Variants in PPARG observed in about 807,000 individuals in gnomAD.
PPARG encodes the protein peroxisome proliferator-activated receptor gamma.
In PPARG, 17 loss-of-function variants were observed where a neutral mutation model predicts 39.2. The observed-to-expected ratio is 0.43, with a 90% confidence interval of 0.30 to 0.65. The LOEUF is 0.65. Among genes scored for constraint, PPARG ranks in the 30% least tolerant of loss-of-function variants. The pLI, the probability that PPARG is intolerant of heterozygous loss-of-function variation, is 0.13. For synonymous variants in PPARG, 223 were observed against 215.7 expected (o/e 1.03, Z -0.30); for missense variants, 406 against 585.9 (o/e 0.69, Z 3.17).
chr3:12,329,447 A>C (rs1471699417), intron 2 of PPARG, among the ~76,000 whole-genome samples: 3 of 152,246 alleles, frequency 2.0e-5, no homozygotes, highest in Non-Finnish European at 1.5e-5. Flanking sequence ...AATTCTAAAA[A>C]AGCAGGTAGA....
chr3:12,403,550 CT>C (rs2050554381), intron 5 of PPARG, among the ~76,000 whole-genome samples: 1 of 152,036 alleles, frequency 6.6e-6, no homozygotes, highest in Non-Finnish European at 1.5e-5. Context: ...CAGACAGGGT[CT>C]CTCTATGTTG....
At chr3:12,342,001 A>G (rs1332932669) in intron 2 of PPARG, among the ~76,000 whole-genome samples, 1 of 152,202 alleles carries the variant, frequency 6.6e-6, no homozygotes, top group Non-Finnish European at 1.5e-5. Context: ...TAATTGAAGG[A>G]GAAAAAGTAA....
At chr3:12,315,586 A>T (rs2047367802) in intron 2 of PPARG, among the ~76,000 whole-genome samples, 1 of 152,226 alleles carries the variant, frequency 6.6e-6, no homozygotes, top group Non-Finnish European at 1.5e-5. Context: ...ATAGAGGAAG[A>T]TTCTGCATTT....
At chr3:12,384,612 A>G (rs540117148) in intron 4 of PPARG, among the ~76,000 whole-genome samples, 1 of 152,264 alleles carries the variant, frequency 6.6e-6, no homozygotes, top group East Asian at 1.9e-4. Flanking sequence ...AAACATTATC[A>G]TTTGGCTTCT....
At chr3:12,310,226 G>A (rs1344397831) in intron 1 of PPARG, among the ~76,000 whole-genome samples, 2 of 152,066 alleles carry the variant, frequency 1.3e-5, no homozygotes, top group South Asian at 2.1e-4. Flanking sequence ...TGTTTGATCC[G>A]ACACTTGGGG....
intron 1 of PPARG, among the ~76,000 whole-genome samples, chr3:12,294,231 G>T (rs1574937329): frequency 6.6e-6 from 1 of 152,296 alleles, no homozygotes; most frequent in East Asian, 1.9e-4. Context: ...GATAGGAAAA[G>T]ATATATTTAC....
At chr3:12,418,903 C>T (rs1378138375) in intron 7 of PPARG, among the ~76,000 whole-genome samples, 1 of 152,110 alleles carries the variant, frequency 6.6e-6, no homozygotes, top group East Asian at 1.9e-4. Flanking sequence ...TTTAAAATAA[C>T]TACTTGATAT....
At chr3:12,421,709 A>G (rs985781561) in intron 7 of PPARG, among the ~76,000 whole-genome samples, 4 of 152,236 alleles carry the variant, frequency 2.6e-5, no homozygotes, top group Admixed American at 1.3e-4. Flanking sequence ...GCAAATTGCC[A>G]TCGCCGTCCT....
chr3:12,382,360 T>A (rs535650092), intron 4 of PPARG, among the ~76,000 whole-genome samples: 55 of 152,360 alleles, frequency 3.6e-4, no homozygotes, highest in Middle Eastern at 6.8e-3. Context: ...CATATTTTGA[T>A]ATGCAGTCTT....
chr3:12,400,194 AT>A (rs958409507), intron 5 of PPARG, among the ~76,000 whole-genome samples: 2 of 152,116 alleles, frequency 1.3e-5, no homozygotes, highest in African/African-American at 4.8e-5. Flanking sequence ...TCATTCTGTT[AT>A]TTTCTATTGA....
At chr3:12,374,041 C>T (rs1275806718) in intron 2 of PPARG, among the ~76,000 whole-genome samples, 1 of 152,014 alleles carries the variant, frequency 6.6e-6, no homozygotes, top group African/African-American at 2.4e-5. Context: ...AGAATGGGAG[C>T]GAGGTCTGGG....
At chr3:12,340,920 C>T (rs1330884148) in intron 2 of PPARG, among the ~76,000 whole-genome samples, 2 of 152,156 alleles carry the variant, frequency 1.3e-5, no homozygotes. Flanking sequence ...CGTGGTGGCT[C>T]ACACCTATAA....
intron 6 of PPARG, among the ~76,000 whole-genome samples, chr3:12,407,406 C>T (rs2050711714): frequency 1.3e-5 from 2 of 152,106 alleles, no homozygotes; most frequent in Admixed American, 1.3e-4. Flanking sequence ...CGTGATCTGC[C>T]CGCCTCTGCC....
chr3:12,321,825 A>G (rs999170289), intron 2 of PPARG, among the ~76,000 whole-genome samples: 1 of 152,196 alleles, frequency 6.6e-6, no homozygotes, highest in Non-Finnish European at 1.5e-5. Flanking sequence ...TTGATTCAAC[A>G]TTTTTTATAG....
chr3:12,399,207 T>C, intron 5 of PPARG: 1 of 381,490 alleles, frequency 2.6e-6, no homozygotes, highest in Non-Finnish European at 5.1e-6. Flanking sequence ...GAAGGTGAGC[T>C]GGTGGTGTTT....
At chr3:12,375,100 A>C (rs943273281) in intron 2 of PPARG, among the ~76,000 whole-genome samples, 46 of 152,210 alleles carry the variant, frequency 3.0e-4, no homozygotes, top group African/African-American at 1.0e-3. Flanking sequence ...AAGAAGCATG[A>C]CTTTGGCTGG....
At position 12,386,987 on chromosome 3, in the gene PPARG, G is replaced by C. The variant is rs148711333; in HGVS notation, c.390+5496G>C. 8.1e-3 allele frequency among the ~76,000 whole-genome samples: 1,221 copies of C among 151,074 alleles called. 13 individuals carry two copies. Among genetic ancestry groups the C allele is most frequent in the Middle Eastern group, 0.014 (4 of 294 alleles). ...GTGCAGTGTTTGGTTTTCTGTCCTT[G>C]TGATAGTTTGCTTAGGATGATGGTT... On this transcript the variant is annotated intron_variant, in intron 4 of 7. Transcript: ENST00000651735.
At chr3:12,380,101 A>G (rs1015058964) in intron 3 of PPARG, among the ~76,000 whole-genome samples, 170 bp downstream of exon 3, 2 of 152,288 alleles carry the variant, frequency 1.3e-5, no homozygotes, top group South Asian at 2.1e-4. Context: ...ATGAAATGCC[A>G]GGAAGGGAGC....
chr3:12,421,123 G>A (rs2051245991), intron 7 of PPARG, among the ~76,000 whole-genome samples: 1 of 152,198 alleles, frequency 6.6e-6, no homozygotes, highest in Non-Finnish European at 1.5e-5. Flanking sequence ...TGACAAACTA[G>A]TGCCACCGTG....
Sources: gnomAD v4.1 joint callset for allele counts (sites outside exome capture counted in the v4.1 genomes callset) on GRCh38, gnomAD v4.1.1 for gene constraint, MANE v1.5 for transcripts, NCBI Gene and HGNC (gene_info 2026-07-23, HGNC 2026-07-21) for gene names.